The following TARBP2 variants were observed in gnomAD, a reference collection of about 807,000 sequenced individuals.
TARBP2 encodes RISC-loading complex subunit TARBP2.
A neutral mutation model predicts 40.4 loss-of-function variants in TARBP2; 23 were observed. The ratio of observed to expected loss-of-function variants is 0.57; its 90% confidence interval spans 0.41 to 0.81. The LOEUF (loss-of-function observed/expected upper bound fraction) is 0.81, where lower values mean the gene tolerates loss of function less well. Among genes scored for constraint, TARBP2 ranks in the 30% least tolerant of loss-of-function variants. TARBP2 has a pLI of 0.00. For missense variants in TARBP2, 358 were observed against 473.7 expected (o/e 0.76, Z 2.27); for synonymous variants, 183 against 190.5 (o/e 0.96, Z 0.32).
Position 53,504,377 on chromosome 12 carries a change from C to T in TARBP2, c.423-20C>T. ...ATGGAACCCTTCACCTCAACTTTGG[C>T]CCTGTGCCTTTTCCTTCAGGAGCCC... is the stretch of plus-strand genomic sequence containing the variant. On this transcript the variant is annotated intron_variant, in intron 4 of 8. Coordinates refer to ENST00000266987, the MANE Select transcript of TARBP2 (RefSeq NM_134323.2). 1 of 1,547,742 alleles carries T rather than the reference C, an allele frequency of 6.5e-7. No individual in the cohort carries two copies. The highest frequency in any genetic ancestry group is 8.7e-7 in the Non-Finnish European group (1 of 1,154,464).
At chr12:53,502,438 A>G (rs763416796) in intron 2 of TARBP2, 3 of 506,044 alleles carry the variant, frequency 5.9e-6, no homozygotes, top group Non-Finnish European at 1.1e-5. Flanking sequence ...GAAAAGTAAG[A>G]GAAGATAACT....
upstream of TARBP2, chr12:53,501,259 G>A (rs1565897033): frequency 1.3e-6 from 1 of 766,362 alleles, no homozygotes; most frequent in Non-Finnish European, 2.1e-6. Context: ...CACGAAGTAG[G>A]GTGGGCGGGG....
Position 53,506,103 on chromosome 12 carries a change from C to T in TARBP2, c.1056C>T (p.Ala352=). Residue 352 remains alanine (A), a synonymous_variant, in exon 9 of 9, where the codon GCC becomes GCT. Transcript: ENST00000266987. ...GGGAGGCAGCCCGTGGTGAGGCTGCCCGCCGTGCCCTGCAGTACCTCAAGA... is the reference window on the plus strand; with the variant it reads ...GGGAGGCAGCCCGTGGTGAGGCTGCTCGCCGTGCCCTGCAGTACCTCAAGA... The part of the protein sequence containing the change: ...TTREAARGEA[A]RRALQYLKIM... 3 of 1,613,938 alleles carry T rather than the reference C, an allele frequency of 1.9e-6. No homozygotes were observed. The highest frequency in any genetic ancestry group is 2.5e-6 in the Non-Finnish European group (3 of 1,180,004).
chr12:53,501,805 G>A (rs1171899814), intron 1 of TARBP2: 29 of 1,328,930 alleles, frequency 2.2e-5, no homozygotes, highest in Admixed American at 2.9e-5. Flanking sequence ...TGAGGCAGGA[G>A]CAATGCATTC....
At position 53,506,008 on chromosome 12, in the gene TARBP2, G is replaced by A; in HGVS notation, c.961G>A (p.Gly321Arg). 6.2e-7 allele frequency: 1 copy of A among 1,614,008 alleles called. No individual in the cohort carries two copies. The highest frequency in any genetic ancestry group is 8.5e-7 in the Non-Finnish European group (1 of 1,179,962). The change falls in exon 9 of 9, where the codon GGA (glycine) becomes AGA (arginine). Residue 321 changes from glycine to arginine, a missense_variant. Transcript: ENST00000266987. The stretch of plus-strand genomic sequence containing the variant: ...CTCTCCAGAGGAGCTGAGCCTGAGT[G>A]GACTCTGCCAGTGCCTGGTGGAACT... ...YLDIEELSLS[G>R]LCQCLVELST...
In TARBP2 at chr12:53,505,360, G is replaced by A; in HGVS notation, c.741+98G>A. On this transcript the variant is annotated intron_variant, in intron 7 of 8. Coordinates refer to ENST00000266987, the MANE Select transcript of TARBP2 (RefSeq NM_134323.2). The surrounding 1 kb of genome is among the most constrained non-coding windows in gnomAD (Gnocchi z 4.5). ...TGTGACTCAGCAGTGAGCCTCTCTGGGCCCTAGGTCTGCTTCTGCCACAGT... is the reference window on the plus strand; with the variant it reads ...TGTGACTCAGCAGTGAGCCTCTCTGAGCCCTAGGTCTGCTTCTGCCACAGT... 1 of 1,490,844 alleles carries A rather than the reference G, an allele frequency of 6.7e-7. No individual in the cohort carries two copies. The highest frequency in any genetic ancestry group is 9.0e-7 in the Non-Finnish European group (1 of 1,116,846). 92.4% of individuals were successfully genotyped at this position (1,490,844 alleles called of 1,614,324 possible).
intron 2 of TARBP2, 154 bp from the exon 3 acceptor site, chr12:53,502,873 C>G (rs1218813008): frequency 1.5e-6 from 1 of 673,996 alleles, no homozygotes; most frequent in Non-Finnish European, 2.3e-6. Context: ...TTCCTTCCAG[C>G]AATTAGTGAA....
At chr12:53,501,241 T>C (rs1284729551), upstream of TARBP2, 1 of 703,326 alleles carries the variant, frequency 1.4e-6, no homozygotes, top group South Asian at 1.8e-5. Context: ...CCCCTCCAGA[T>C]GGAGGCTCAC....
rs1469775134 is a variant in TARBP2, at chr12:53,504,474, G to T, written c.495+5G>T. The T allele has an allele frequency of 6.2e-7, 1 of 1,613,362 alleles. No individual in the cohort carries two copies. The highest frequency in any genetic ancestry group is 8.5e-7 in the Non-Finnish European group (1 of 1,179,694). On this transcript the variant is annotated splice_donor_5th_base_variant and intron_variant, in intron 5 of 8. Coordinates refer to ENST00000266987, the MANE Select transcript of TARBP2 (RefSeq NM_134323.2). Reference sequence around the variant, plus strand: ...AACCCCGTTGGTGCTCTGCAGGTGTGTCCCATCCTCATTTCCCATGCATGC... The same window carrying T: ...AACCCCGTTGGTGCTCTGCAGGTGTTTCCCATCCTCATTTCCCATGCATGC...
Position 53,503,147 on chromosome 12 carries a change from G to T in TARBP2, c.326+18G>T. The T allele has an allele frequency of 6.5e-7, 1 of 1,540,384 alleles. No individual in the cohort carries two copies. The highest frequency in any genetic ancestry group is 8.8e-7 in the Non-Finnish European group (1 of 1,140,580). On this transcript the variant is annotated intron_variant, in intron 3 of 8. Coordinates refer to ENST00000266987, the MANE Select transcript of TARBP2 (RefSeq NM_134323.2). Reference sequence around the variant, plus strand: ...GACAGCAGGTGAGGGAGGAACCGAGGCATCCCAGAAGCCCTTCAAGGAACC... The same window carrying T: ...GACAGCAGGTGAGGGAGGAACCGAGTCATCCCAGAAGCCCTTCAAGGAACC...
Position 53,502,096 on chromosome 12 carries a change from G to A in TARBP2, c.135G>A (p.Thr45=), listed in dbSNP as rs1472107347. ...LQEYGTRIGK[T]PVYDLLKAEG... ...AGTATGGGACCAGAATAGGGAAGAC[G>A]CCTGTGTACGACCTTCTCAAAGCCG... is the stretch of plus-strand genomic sequence containing the variant. Residue 45 remains threonine (T), a synonymous_variant, in exon 2 of 9, where the codon ACG becomes ACA. Coordinates refer to ENST00000266987, the MANE Select transcript of TARBP2 (RefSeq NM_134323.2). 2 of 1,614,104 alleles carry A rather than the reference G, an allele frequency of 1.2e-6. No homozygotes were observed. The highest frequency in any genetic ancestry group is 1.3e-5 in the African/African-American group (1 of 74,930).
At position 53,505,119 on chromosome 12, in the gene TARBP2, C is replaced by A; in HGVS notation, c.614-16C>A. 1.3e-6 allele frequency: 2 copies of A among 1,593,418 alleles called. No individual in the cohort carries two copies. Among genetic ancestry groups the A allele is most frequent in the South Asian group, 1.1e-5 (1 of 89,466 alleles). ...TGTGGGGAATCATAACCCAGCAGCC[C>A]TCTCTCCACATGCAGGGAGTGGCAC... On this transcript the variant is annotated splice_polypyrimidine_tract_variant and intron_variant, in intron 6 of 8. Coordinates refer to ENST00000266987, the MANE Select transcript of TARBP2 (RefSeq NM_134323.2). This position sits in a 1 kb window ranked among gnomAD's most constrained non-coding sequence, Gnocchi z 4.5.
rs759508001 is a variant in TARBP2, at chr12:53,505,713, G to A, written c.806G>A (p.Arg269Gln). The A allele has an allele frequency of 1.2e-4, 188 of 1,613,996 alleles. No homozygotes were observed. The highest frequency in any genetic ancestry group is 1.6e-4 in the Non-Finnish European group (185 of 1,180,000). ...CCAGGTTGCACCTGGGATTCTCTACGAAATTCAGTAGGAGAGAAGATCCTG... is the reference window on the plus strand; with the variant it reads ...CCAGGTTGCACCTGGGATTCTCTACAAAATTCAGTAGGAGAGAAGATCCTG... ...RGPGCTWDSL[R>Q]NSVGEKILSL... Residue 269 changes from arginine to glutamine, a missense_variant, in exon 8 of 9, where the codon CGA becomes CAA. By Grantham distance (43) the Arg-to-Gln change is conservative. Transcript: ENST00000266987. The surrounding 1 kb of genome is among the most constrained non-coding windows in gnomAD (Gnocchi z 4.5).
chr12:53,501,852 C>A, intron 1 of TARBP2, 163 bp from the exon 2 acceptor site: 1 of 1,332,142 alleles, frequency 7.5e-7, no homozygotes, highest in South Asian at 1.5e-5. Flanking sequence ...CCCTACTTTT[C>A]CAGCCTGCAC....
upstream of TARBP2, chr12:53,501,068 G>T (rs796823055): frequency 8.9e-6 from 3 of 337,860 alleles, no homozygotes; most frequent in Non-Finnish European, 1.7e-5. Flanking sequence ...ACAGCTTCAC[G>T]GACCGGGAGA....
chr12:53,501,628 G>C lies in TARBP2; in HGVS notation c.53+167G>C, dbSNP rs531501207. The C allele has an allele frequency of 2.7e-6, 4 of 1,458,618 alleles. No individual in the cohort carries two copies. The South Asian group carries it at 5.8e-5, about 21-fold the overall frequency. 90.4% of individuals were successfully genotyped at this position (1,458,618 alleles called of 1,614,324 possible). ...ACCGGGGCAGTGGCTGCTGCCTCCA[G>C]CTCTAAATAGTTTGGGGTTGGCCCG... On this transcript the variant is annotated intron_variant, in intron 1 of 8. Transcript: ENST00000266987.
intron 6 of TARBP2, 48 bp downstream of exon 6, chr12:53,504,863 TG>T: frequency 6.2e-7 from 1 of 1,601,762 alleles, no homozygotes. Flanking sequence ...CGCAGCACTC[TG>T]GCCCCAGCCA....
chr12:53,502,003 C>T lies in TARBP2; in HGVS notation c.54-12C>T, dbSNP rs200536680. On this transcript the variant is annotated splice_polypyrimidine_tract_variant and intron_variant, in intron 1 of 8. Transcript: ENST00000266987. Reference sequence around the variant, plus strand: ...GGGGAGGTGTGATGTGGGTCTGTGCCCCTTCCCCCAGTATAGAGCAAATGC... The same window carrying T: ...GGGGAGGTGTGATGTGGGTCTGTGCTCCTTCCCCCAGTATAGAGCAAATGC... The T allele has an allele frequency of 2.2e-5, 35 of 1,613,864 alleles. No homozygotes were observed. In the East Asian group the frequency reaches 6.7e-4, roughly 31 times the overall value.
rs540730822 is a variant in TARBP2 at position 53,506,211 on chromosome 12, T to C, written c.*63T>C. On this transcript the variant is annotated 3_prime_UTR_variant, in exon 9 of 9. Transcript: ENST00000266987. ...CCTGCTCTTTCTGCCTCTGGGCTCATGTATCTGCGCAGCTCTGGTACCCTC... is the reference window on the plus strand; with the variant it reads ...CCTGCTCTTTCTGCCTCTGGGCTCACGTATCTGCGCAGCTCTGGTACCCTC... The C allele has an allele frequency of 6.4e-7, 1 of 1,572,260 alleles. No individual in the cohort carries two copies. Among genetic ancestry groups the C allele is most frequent in the East Asian group, 2.3e-5 (1 of 44,070 alleles).
Sources: allele counts gnomAD v4.1 joint callset, GRCh38; gene constraint gnomAD v4.1.1; non-coding constraint Gnocchi (gnomAD v3.1); transcripts MANE v1.5; gene names NCBI Gene and HGNC (gene_info 2026-07-23, HGNC 2026-07-21).